Variants in SYTL2 observed in about 807,000 individuals in gnomAD.
SYTL2 encodes synaptotagmin like 2.
SYTL2 carries 165 observed loss-of-function variants against 198.7 expected under a neutral mutation model. The ratio of observed to expected loss-of-function variants is 0.83; its 90% CI spans 0.73 to 0.94. The LOEUF is 0.94. Among genes scored for constraint, SYTL2 ranks in the 40% least tolerant of loss-of-function variants. The pLI, the probability that SYTL2 is intolerant of heterozygous loss-of-function variation, is 0.00. For synonymous variants in SYTL2, 966 were observed against 917.7 expected (o/e 1.05, Z -0.95); for missense variants, 2,835 against 2,582.8 (o/e 1.10, Z -2.12).
intron 2 of SYTL2, among the ~76,000 whole-genome samples, chr11:85,753,799 T>C (rs1010127981): frequency 2.7e-5 from 4 of 147,066 alleles, no homozygotes; most frequent in African/African-American, 1.0e-4. Context: ...AGATGGGAAG[T>C]GACATATAAA....
intron 8 of SYTL2, among the ~76,000 whole-genome samples, chr11:85,721,198 A>G (rs1399301360): frequency 1.3e-5 from 2 of 152,224 alleles, no homozygotes; most frequent in African/African-American, 4.8e-5. Context: ...AGATTACCAC[A>G]TTAATAGAAA....
At chr11:85,767,569 C>T (rs1194755520) in intron 1 of SYTL2, among the ~76,000 whole-genome samples, 1 of 152,176 alleles carries the variant, frequency 6.6e-6, no homozygotes, top group Non-Finnish European at 1.5e-5. Flanking sequence ...CACAGAAAAA[C>T]TCAAAGTGAG....
chr11:85,703,694 T>C (rs1276478402), intron 16 of SYTL2, among the ~76,000 whole-genome samples: 2 of 152,126 alleles, frequency 1.3e-5, no homozygotes, highest in Non-Finnish European at 2.9e-5. Flanking sequence ...GGCAAATATG[T>C]GGTTAAATCT....
At chr11:85,758,731 C>G (rs2091989779) in intron 1 of SYTL2, among the ~76,000 whole-genome samples, 1 of 152,150 alleles carries the variant, frequency 6.6e-6, no homozygotes, top group Admixed American at 6.5e-5. Flanking sequence ...AAGGAAGAGG[C>G]AGAGTTTCAA....
At chr11:85,750,521 A>G (rs758695611) in intron 2 of SYTL2, among the ~76,000 whole-genome samples, 1 of 152,070 alleles carries the variant, frequency 6.6e-6, no homozygotes, top group Non-Finnish European at 1.5e-5. Context: ...TTACTATATC[A>G]TATTCCAGTG....
At chr11:85,771,685 C>G (rs904781533) in intron 1 of SYTL2, among the ~76,000 whole-genome samples, 1 of 152,232 alleles carries the variant, frequency 6.6e-6, no homozygotes, top group South Asian at 2.1e-4. Flanking sequence ...GGAAAAAGAA[C>G]GTAAGATTTA....
chr11:85,825,886 G>GC, the SYTL2 span, among the ~76,000 whole-genome samples: 1 of 152,188 alleles, frequency 6.6e-6, no homozygotes, highest in African/African-American at 2.4e-5. Context: ...TGAGAATTAA[G>GC]CAACGGAAAT....
chr11:85,785,214 G>A (rs911076751), intron 1 of SYTL2, among the ~76,000 whole-genome samples: 3 of 152,122 alleles, frequency 2.0e-5, no homozygotes, highest in Non-Finnish European at 4.4e-5. Flanking sequence ...GTGGAATTCA[G>A]TCTTTCACCT....
At chr11:85,774,058 C>A (rs2092408663) in intron 1 of SYTL2, among the ~76,000 whole-genome samples, 1 of 151,994 alleles carries the variant, frequency 6.6e-6, no homozygotes, top group Admixed American at 6.6e-5. Context: ...CAGATGAAAG[C>A]CAGCAAGAAA....
the SYTL2 span, among the ~76,000 whole-genome samples, chr11:85,823,427 T>C: frequency 6.6e-5 from 10 of 152,236 alleles, no homozygotes; most frequent in Non-Finnish European, 5.9e-5. Context: ...AGATACTTTC[T>C]ACATTAAGAT....
At chr11:85,769,400 A>G (rs1201152223) in intron 1 of SYTL2, among the ~76,000 whole-genome samples, 1 of 152,202 alleles carries the variant, frequency 6.6e-6, no homozygotes, top group Non-Finnish European at 1.5e-5. Context: ...GGAAGGGGCC[A>G]TGAGCCAAGG....
chr11:85,771,042 G>A (rs1242689828), intron 1 of SYTL2, among the ~76,000 whole-genome samples: 2 of 152,180 alleles, frequency 1.3e-5, no homozygotes, highest in Non-Finnish European at 2.9e-5. Flanking sequence ...ACCCAACACA[G>A]TAATTATTCA....
the SYTL2 span, among the ~76,000 whole-genome samples, chr11:85,821,402 G>A: frequency 4.6e-5 from 7 of 152,150 alleles, no homozygotes; most frequent in Non-Finnish European, 8.8e-5. Context: ...AGAAAGAGTA[G>A]GATTTTTAAA....
the SYTL2 span, among the ~76,000 whole-genome samples, chr11:85,817,880 C>T: frequency 6.7e-6 from 1 of 149,286 alleles, no homozygotes; most frequent in Non-Finnish European, 1.5e-5. Flanking sequence ...TTTTCAAGTA[C>T]AGAAGGACCT....
chr11:85,774,567 A>G (rs2092417639), intron 1 of SYTL2, among the ~76,000 whole-genome samples: 1 of 151,732 alleles, frequency 6.6e-6, no homozygotes, highest in Admixed American at 6.6e-5. Context: ...TGCAAGATAG[A>G]ATGTTGTTAA....
At chr11:85,785,883 G>C (rs1042641017) in intron 1 of SYTL2, among the ~76,000 whole-genome samples, 2 of 152,214 alleles carry the variant, frequency 1.3e-5, no homozygotes, top group East Asian at 3.8e-4. Context: ...AGGAATGACA[G>C]TGACTTCCAC....
chr11:85,741,733 G>T lies in SYTL2; in HGVS notation c.389+3904C>A, dbSNP rs984265268. Among the ~76,000 whole-genome samples, 4 of 152,190 alleles carry T rather than the reference G, an allele frequency of 2.6e-5. 1 individual carries two copies. Among genetic ancestry groups the T allele is most frequent in the Admixed American group, 2.6e-4 (4 of 15,286 alleles). On this transcript the variant is annotated intron_variant, in intron 4 of 19. Transcript: ENST00000359152. ...GCAATAGCTAATCCTTCTGGGAGAG[G>T]GAAATTAATATCTACGAAAGACTTT...
chr11:85,745,806 T>A (rs2304343), intron 3 of SYTL2, 34 bp from the exon 4 acceptor site: 66,742 of 1,586,338 alleles, frequency 0.042, 1,824 homozygotes, highest in East Asian at 0.11. Context: ...AGGAAGGTTA[T>A]CTCTCACCTC....
intron 1 of SYTL2, among the ~76,000 whole-genome samples, chr11:85,758,660 TTG>T (rs138731364): frequency 6.6e-6 from 1 of 152,310 alleles, no homozygotes; most frequent in East Asian, 1.9e-4. Context: ...CCTAACAAGC[TTG>T]TCTACTTTCA....
Sources: gnomAD v4.1 joint callset for allele counts (sites outside exome capture counted in the v4.1 genomes callset) on GRCh38, gnomAD v4.1.1 for gene constraint, MANE v1.5 for transcripts, NCBI Gene and HGNC (gene_info 2026-07-23, HGNC 2026-07-21) for gene names.